CLYBL: variants seen among roughly 807,000 people sequenced by gnomAD.
The protein encoded by CLYBL is citramalyl-CoA lyase, mitochondrial.
A neutral mutation model predicts 38.9 loss-of-function variants in CLYBL; 31 were observed. The ratio of observed to expected loss-of-function variants is 0.80; its 90% CI spans 0.60 to 1.08. The LOEUF is 1.08. Among genes scored for constraint, CLYBL ranks in the 50% least tolerant of loss-of-function variants. CLYBL has a pLI of 0.00. For synonymous variants in CLYBL, 171 were observed against 158.6 expected (o/e 1.08, Z -0.59); for missense variants, 434 against 411.6 (o/e 1.05, Z -0.47).
intron 8 of CLYBL, 162 bp downstream of exon 8, chr13:99,891,599 G>A (rs1412890113): frequency 1.9e-6 from 1 of 526,834 alleles, no homozygotes; most frequent in Non-Finnish European, 3.4e-6. Flanking sequence ...AAAAATGAAC[G>A]CTTTTCCCTT....
intron 7 of CLYBL, among the ~76,000 whole-genome samples, chr13:99,881,589 A>ATTT (rs1017589977): frequency 4.4e-5 from 6 of 136,262 alleles, no homozygotes; most frequent in African/African-American, 1.3e-4. Flanking sequence ...CATCCAGTTA[A>ATTT]TTTTTTTTTT....
At chr13:99,811,342 C>G (rs998405329) in intron 2 of CLYBL, among the ~76,000 whole-genome samples, 6 of 152,184 alleles carry the variant, frequency 3.9e-5, no homozygotes, top group African/African-American at 1.4e-4. Context: ...ACAGGGGCCA[C>G]CTGGGAAGGG....
intron 2 of CLYBL, among the ~76,000 whole-genome samples, chr13:99,790,961 A>G (rs902620172): frequency 6.6e-6 from 1 of 152,192 alleles, no homozygotes; most frequent in Non-Finnish European, 1.5e-5. Context: ...AGCAACTTAT[A>G]TGAACATAAT....
intron 1 of CLYBL, among the ~76,000 whole-genome samples, chr13:99,697,377 A>G (rs1254576758): frequency 2.0e-5 from 3 of 151,868 alleles, no homozygotes; most frequent in African/African-American, 7.3e-5. Context: ...CAGGCTTTTT[A>G]TTATTATTAT....
At chr13:99,851,593 T>C (rs1353990975) in intron 2 of CLYBL, among the ~76,000 whole-genome samples, 1 of 152,116 alleles carries the variant, frequency 6.6e-6, no homozygotes, top group Non-Finnish European at 1.5e-5. Context: ...TCAACATCAT[T>C]AGTCATGAGA....
intron 2 of CLYBL, among the ~76,000 whole-genome samples, chr13:99,809,608 A>G (rs1325410259): frequency 6.6e-6 from 1 of 152,244 alleles, no homozygotes. Context: ...TGAAGCGAAG[A>G]AAGGGATGGC....
At chr13:99,645,699 G>A (rs1457993647) in intron 1 of CLYBL, among the ~76,000 whole-genome samples, 1 of 151,686 alleles carries the variant, frequency 6.6e-6, no homozygotes, top group East Asian at 1.9e-4. Flanking sequence ...TTCCTATTGA[G>A]TTGTTTGAGC....
intron 2 of CLYBL, among the ~76,000 whole-genome samples, chr13:99,831,006 CAGAAG>C (rs1189041163): frequency 6.6e-6 from 1 of 150,476 alleles, no homozygotes; most frequent in Non-Finnish European, 1.5e-5. Flanking sequence ...AAGACAGACA[CAGAAG>C]AGAAGTCAGA....
downstream of CLYBL, chr13:99,896,465 G>A (rs2052580760): frequency 6.6e-6 from 1 of 152,324 alleles, no homozygotes; most frequent in Non-Finnish European, 1.5e-5. Context: ...GCCGGCCCTG[G>A]GGTCCCTGCA....
intron 1 of CLYBL, among the ~76,000 whole-genome samples, chr13:99,635,959 A>G (rs1173414101): frequency 6.6e-6 from 1 of 152,198 alleles, no homozygotes. Context: ...TTGATTAAAC[A>G]TTTACTTGAT....
At chr13:99,782,850 G>A (rs914961724) in intron 2 of CLYBL, among the ~76,000 whole-genome samples, 2 of 152,052 alleles carry the variant, frequency 1.3e-5, no homozygotes, top group Non-Finnish European at 2.9e-5. Context: ...TTCCTTCAGA[G>A]ATGCTGAGTA....
At chr13:99,699,386 CTAAAT>C (rs1364550753) in intron 1 of CLYBL, among the ~76,000 whole-genome samples, 4 of 150,916 alleles carry the variant, frequency 2.7e-5, no homozygotes, top group Admixed American at 6.6e-5. Flanking sequence ...ACTCCGGTCT[CTAAAT>C]AAATAAATAA....
intron 1 of CLYBL, among the ~76,000 whole-genome samples, chr13:99,649,545 T>C (rs970349589): frequency 4.6e-5 from 7 of 152,220 alleles, no homozygotes; most frequent in Non-Finnish European, 1.0e-4. Context: ...AAATTTGGAA[T>C]ATTGATGGAG....
chr13:99,695,042 C>T (rs139918231), intron 1 of CLYBL, among the ~76,000 whole-genome samples: 3 of 152,254 alleles, frequency 2.0e-5, no homozygotes, highest in South Asian at 4.1e-4. Flanking sequence ...CATCCCACCG[C>T]GAGAGCGATA....
intron 2 of CLYBL, among the ~76,000 whole-genome samples, chr13:99,786,150 T>A (rs924668635): frequency 3.9e-5 from 6 of 151,998 alleles, no homozygotes; most frequent in Admixed American, 3.9e-4. Context: ...CCTATTGTTT[T>A]CCATGGAGGT....
intron 8 of CLYBL, among the ~76,000 whole-genome samples, chr13:99,902,180 C>G (rs1423038001): frequency 6.6e-6 from 1 of 152,100 alleles, no homozygotes; most frequent in East Asian, 1.9e-4. Flanking sequence ...TATTCTTAAC[C>G]TTATTCCTTT....
At chr13:99,765,138 C>G (rs1451306018) in intron 1 of CLYBL, among the ~76,000 whole-genome samples, 2 of 151,504 alleles carry the variant, frequency 1.3e-5, no homozygotes, top group Non-Finnish European at 2.9e-5. Context: ...GTGAATTCTC[C>G]CTGCTTTCAT....
intron 1 of CLYBL, among the ~76,000 whole-genome samples, chr13:99,653,038 C>G (rs1028154682): frequency 5.3e-5 from 8 of 152,124 alleles, no homozygotes; most frequent in African/African-American, 1.9e-4. Context: ...CAGGGCATGG[C>G]CCTGGGGGAG....
intron 7 of CLYBL, among the ~76,000 whole-genome samples, chr13:99,875,770 G>A (rs931023425): frequency 5.9e-5 from 9 of 152,178 alleles, no homozygotes; most frequent in Non-Finnish European, 1.0e-4. Flanking sequence ...GGATTTATGA[G>A]CAGGAACACG....
Sources: allele counts gnomAD v4.1 joint callset (sites outside exome capture counted in the v4.1 genomes callset), GRCh38; gene constraint gnomAD v4.1.1; transcripts MANE v1.5; gene names NCBI Gene and HGNC (gene_info 2026-07-23, HGNC 2026-07-21).